DCC: variants seen among roughly 807,000 people sequenced by gnomAD.
DCC encodes the protein DCC netrin 1 receptor.
In DCC, 58 loss-of-function variants were observed where a neutral mutation model predicts 172.5. That is an observed-to-expected ratio of 0.34 (90% CI 0.27 to 0.42). DCC has a LOEUF of 0.42. DCC is among the 10% of genes least tolerant of loss of function. DCC has a pLI of 1.00. For synonymous variants in DCC, 709 were observed against 644.5 expected (o/e 1.10, Z -1.52); for missense variants, 1,740 against 1,791.0 (o/e 0.97, Z 0.51).
chr18:52,836,961 CT>C (rs956574588), intron 2 of DCC, among the ~76,000 whole-genome samples: 164 of 152,346 alleles, frequency 1.1e-3, no homozygotes, highest in African/African-American at 3.8e-3. Flanking sequence ...ACAGGCAGAG[CT>C]TTCCAAACCT....
chr18:52,880,279 G>A (rs2039464544), intron 2 of DCC, among the ~76,000 whole-genome samples: 1 of 152,016 alleles, frequency 6.6e-6, no homozygotes, highest in African/African-American at 2.4e-5. Context: ...TGGAATTATA[G>A]CCATTCACTA....
chr18:53,523,453 G>A (rs1380847394), intron 27 of DCC, among the ~76,000 whole-genome samples: 1 of 152,116 alleles, frequency 6.6e-6, no homozygotes, highest in Non-Finnish European at 1.5e-5. Context: ...AAAGACACAA[G>A]CACACGTATG....
chr18:52,560,612 A>C (rs1205974299), intron 1 of DCC, among the ~76,000 whole-genome samples: 1 of 152,218 alleles, frequency 6.6e-6, no homozygotes, highest in Non-Finnish European at 1.5e-5. Context: ...CACCTCTTAA[A>C]TACTCTTTGA....
intron 1 of DCC, among the ~76,000 whole-genome samples, chr18:52,711,797 C>A (rs1399290408): frequency 6.6e-6 from 1 of 152,086 alleles, no homozygotes; most frequent in Non-Finnish European, 1.5e-5. Flanking sequence ...GGCATGTGTC[C>A]CACCTGCTGA....
chr18:52,524,224 G>A (rs1391866492), intron 1 of DCC, among the ~76,000 whole-genome samples: 1 of 152,136 alleles, frequency 6.6e-6, no homozygotes. Context: ...AAAGAAATCA[G>A]AATAATCTTA....
At chr18:53,302,456 G>A (rs1159591573) in intron 12 of DCC, among the ~76,000 whole-genome samples, 2 of 152,004 alleles carry the variant, frequency 1.3e-5, no homozygotes, top group African/African-American at 2.4e-5. Context: ...GAATTAAACA[G>A]TATGTACTCT....
intron 15 of DCC, among the ~76,000 whole-genome samples, chr18:53,374,512 A>G (rs996473652): frequency 6.6e-6 from 1 of 152,238 alleles, no homozygotes; most frequent in Non-Finnish European, 1.5e-5. Flanking sequence ...GATGTCACCC[A>G]TTGAAGACAA....
intron 7 of DCC, among the ~76,000 whole-genome samples, chr18:53,135,500 G>C (rs1001630972): frequency 3.9e-5 from 6 of 152,114 alleles, no homozygotes. Context: ...AATTGTCTAG[G>C]ATTGCAGGAA....
intron 7 of DCC, among the ~76,000 whole-genome samples, chr18:53,093,968 A>G (rs1037478637): frequency 2.0e-5 from 3 of 152,208 alleles, no homozygotes; most frequent in Non-Finnish European, 4.4e-5. Context: ...TGACAGAATA[A>G]CTAATAGAAT....
At chr18:52,664,879 A>G (rs2144956298) in intron 1 of DCC, among the ~76,000 whole-genome samples, 1 of 152,302 alleles carries the variant, frequency 6.6e-6, no homozygotes, top group Non-Finnish European at 1.5e-5. Flanking sequence ...GTCTATGCAG[A>G]TGCAGCCCCC....
chr18:53,530,325 T>C, intron 28 of DCC: 1 of 702,908 alleles, frequency 1.4e-6, no homozygotes, highest in South Asian at 1.5e-5. Flanking sequence ...TTTTTGACTC[T>C]GAAACATCTT....
chr18:52,587,593 C>T (rs2033704185), intron 1 of DCC, among the ~76,000 whole-genome samples: 1 of 152,194 alleles, frequency 6.6e-6, no homozygotes, highest in Non-Finnish European at 1.5e-5. Flanking sequence ...TGGCTACAGC[C>T]CACAAATCAC....
intron 12 of DCC, among the ~76,000 whole-genome samples, chr18:53,265,456 TAAAC>T (rs2056662728): frequency 2.0e-5 from 3 of 152,218 alleles, no homozygotes; most frequent in Admixed American, 2.0e-4. Flanking sequence ...TATCAAGCCT[TAAAC>T]AAATGTGATG....
chr18:52,928,866 C>A (rs1006299399), intron 5 of DCC, among the ~76,000 whole-genome samples: 7 of 152,102 alleles, frequency 4.6e-5, no homozygotes, highest in Non-Finnish European at 7.4e-5. Flanking sequence ...TGGGCAGTGT[C>A]TATATTGGCA....
intron 2 of DCC, among the ~76,000 whole-genome samples, chr18:52,795,506 G>C (rs575582181): frequency 6.6e-6 from 1 of 151,440 alleles, no homozygotes; most frequent in Non-Finnish European, 1.5e-5. Flanking sequence ...TCTTTTTCTT[G>C]GTTAATCTAG....
At chr18:53,310,629 G>A (rs918334861) in intron 13 of DCC, among the ~76,000 whole-genome samples, 1 of 151,740 alleles carries the variant, frequency 6.6e-6, no homozygotes. Flanking sequence ...TGCTCTTCAG[G>A]GAAGGTTGTT....
intron 1 of DCC, among the ~76,000 whole-genome samples, chr18:52,584,570 A>C (rs1598932696): frequency 6.6e-6 from 1 of 152,154 alleles, no homozygotes; most frequent in African/African-American, 2.4e-5. Flanking sequence ...GTCGATGGAC[A>C]ACTTTGGTTC....
chr18:52,413,750 C>A (rs369394107), intron 1 of DCC, among the ~76,000 whole-genome samples: 1 of 152,074 alleles, frequency 6.6e-6, no homozygotes, highest in Admixed American at 6.6e-5. Context: ...GACAGACACA[C>A]TTTTGGGCTT....
chr18:52,860,203 G>GT (rs1436570833), intron 2 of DCC, among the ~76,000 whole-genome samples: 14 of 152,214 alleles, frequency 9.2e-5, no homozygotes, highest in African/African-American at 3.1e-4. Flanking sequence ...CAGTGGCAAT[G>GT]TTTCTGGATT....
Sources: allele counts gnomAD v4.1 joint callset (sites outside exome capture counted in the v4.1 genomes callset), GRCh38; gene constraint gnomAD v4.1.1; transcripts MANE v1.5; gene names NCBI Gene and HGNC (gene_info 2026-07-23, HGNC 2026-07-21).